Variants in CTNND2 observed in about 807,000 individuals in gnomAD.
CTNND2 encodes the protein catenin delta 2.
A neutral mutation model predicts 144.4 loss-of-function variants in CTNND2; 22 were observed. The ratio of observed to expected loss-of-function variants is 0.15; its 90% CI spans 0.11 to 0.22. CTNND2 has a LOEUF of 0.22. Among genes scored for constraint, CTNND2 ranks in the 10% least tolerant of loss-of-function variants. The probability of loss-of-function intolerance (pLI) is 1.00; values close to 1 mark genes in which losing one functional copy is unlikely to be tolerated. For missense variants in CTNND2, 1,353 were observed against 1,618.8 expected (o/e 0.84, Z 2.82); for synonymous variants, 751 against 695.6 (o/e 1.08, Z -1.25).
intron 2 of CTNND2, among the ~76,000 whole-genome samples, chr5:11,630,087 T>C (rs906636254): frequency 1.3e-5 from 2 of 152,214 alleles, no homozygotes; most frequent in Admixed American, 6.5e-5. Flanking sequence ...GTGACTTTTA[T>C]TTCTCATTCT....
At chr5:11,609,070 T>C (rs892073729) in intron 2 of CTNND2, among the ~76,000 whole-genome samples, 1 of 152,162 alleles carries the variant, frequency 6.6e-6, no homozygotes, top group African/African-American at 2.4e-5. Context: ...AGCACAGGTG[T>C]CGCTCATCAG....
chr5:11,603,210 G>A (rs964382608), intron 2 of CTNND2, among the ~76,000 whole-genome samples: 8 of 152,022 alleles, frequency 5.3e-5, no homozygotes, highest in African/African-American at 1.4e-4. Context: ...CCATTGCTTC[G>A]TAAATCTACT....
chr5:11,748,185 A>AAAAGGACAAAT (rs6148910), intron 1 of CTNND2, among the ~76,000 whole-genome samples: 2 of 151,986 alleles, frequency 1.3e-5, no homozygotes, highest in African/African-American at 4.8e-5. Context: ...TGCTGACCTT[A>AAAAGGACAAAT]AGAAAACAAA....
chr5:11,591,526 G>T (rs964684795), intron 2 of CTNND2, among the ~76,000 whole-genome samples: 2 of 148,202 alleles, frequency 1.3e-5, no homozygotes, highest in Admixed American at 1.4e-4. Context: ...CTTCTAACAT[G>T]GTTTCATTTC....
chr5:11,733,202 T>C (rs1787491623), intron 1 of CTNND2, among the ~76,000 whole-genome samples: 1 of 152,188 alleles, frequency 6.6e-6, no homozygotes, highest in African/African-American at 2.4e-5. Flanking sequence ...AGCTGAAGCC[T>C]GTTGGTCAGA....
intron 1 of CTNND2, among the ~76,000 whole-genome samples, chr5:11,757,343 C>G (rs1323529618): frequency 6.6e-6 from 1 of 151,874 alleles, no homozygotes; most frequent in East Asian, 1.9e-4. Flanking sequence ...ATTGATGTAT[C>G]ATTTTTAGTT....
At chr5:11,599,782 G>A (rs193101086) in intron 2 of CTNND2, among the ~76,000 whole-genome samples, 13 of 152,266 alleles carry the variant, frequency 8.5e-5, no homozygotes, top group Admixed American at 7.2e-4. Context: ...CAGGAAGCTT[G>A]CTATTCTGGT....
At chr5:11,497,587 T>C (rs569974699) in intron 3 of CTNND2, among the ~76,000 whole-genome samples, 1 of 135,838 alleles carries the variant, frequency 7.4e-6, no homozygotes, top group African/African-American at 2.8e-5. Flanking sequence ...AGTACTGAAA[T>C]ATCTGCTGGG....
chr5:11,496,362 G>A (rs1769939056), intron 3 of CTNND2, among the ~76,000 whole-genome samples: 1 of 152,168 alleles, frequency 6.6e-6, no homozygotes, highest in African/African-American at 2.4e-5. Flanking sequence ...GTCACACTGA[G>A]AACATGTTTG....
Position 11,117,374 on chromosome 5 carries a change from A to C in CTNND2, c.2277+76T>G. The C allele has an allele frequency of 2.7e-6, 3 of 1,110,308 alleles. No individual in the cohort carries two copies. In the South Asian group the frequency reaches 3.8e-5, roughly 14 times the overall value. 68.8% of individuals were successfully genotyped at this position (1,110,308 alleles called of 1,614,324 possible). ...GTCTGAAATACTGCATTGGCTCTCC[A>C]GGGTTGTTAGCTATTGTTGAGTCCC... On this transcript the variant is annotated intron_variant, in intron 13 of 21. Coordinates refer to ENST00000304623, the MANE Select transcript of CTNND2 (RefSeq NM_001332.4).
intron 9 of CTNND2, among the ~76,000 whole-genome samples, chr5:11,247,557 GAAAATT>G (rs1234322639): frequency 2.0e-5 from 3 of 152,150 alleles, no homozygotes; most frequent in African/African-American, 7.2e-5. Context: ...AAAATGATGA[GAAAATT>G]GGCTATTTCT....
chr5:11,046,144 G>A (rs1400439953), intron 16 of CTNND2, among the ~76,000 whole-genome samples: 5 of 152,074 alleles, frequency 3.3e-5, no homozygotes, highest in African/African-American at 9.7e-5. Flanking sequence ...CTCAGAATGC[G>A]GCCTTATGTA....
At chr5:11,685,674 A>G (rs1436226812) in intron 2 of CTNND2, among the ~76,000 whole-genome samples, 2 of 152,178 alleles carry the variant, frequency 1.3e-5, no homozygotes, top group African/African-American at 2.4e-5. Context: ...CCATCAACAA[A>G]TCATTCAGAT....
chr5:11,578,781 CAGTT>C (rs1377930617), intron 2 of CTNND2, among the ~76,000 whole-genome samples: 2 of 152,120 alleles, frequency 1.3e-5, no homozygotes, highest in East Asian at 1.9e-4. Flanking sequence ...CAGTATCACT[CAGTT>C]AGTGGGATAG....
intron 3 of CTNND2, among the ~76,000 whole-genome samples, chr5:11,456,771 G>T (rs947847130): frequency 1.3e-5 from 2 of 152,076 alleles, no homozygotes; most frequent in African/African-American, 4.8e-5. Flanking sequence ...ATTGAATGCT[G>T]CTAAGTATAA....
rs1239711067 is a variant in CTNND2 at position 11,117,575 on chromosome 5, G to T, written c.2160-8C>A. The T allele has an allele frequency of 2.5e-6, 4 of 1,606,196 alleles. No individual in the cohort carries two copies. Among genetic ancestry groups the T allele is most frequent in the Non-Finnish European group, 3.4e-6 (4 of 1,172,806 alleles). ...CCGGCCGAACTAACATTCCTGCAAA[G>T]CAAAAGGACACGTCAGCGATCTTCA... On this transcript the variant is annotated splice_polypyrimidine_tract_variant and splice_region_variant and intron_variant, in intron 12 of 21. Transcript: ENST00000304623.
intron 15 of CTNND2, among the ~76,000 whole-genome samples, chr5:11,088,882 T>C (rs1561285041): frequency 6.6e-6 from 1 of 152,234 alleles, no homozygotes; most frequent in Non-Finnish European, 1.5e-5. Context: ...ATGACCTTAC[T>C]GCAAATTATT....
chr5:11,102,052 G>C (rs937845296), intron 14 of CTNND2, among the ~76,000 whole-genome samples: 2 of 152,032 alleles, frequency 1.3e-5, no homozygotes, highest in Non-Finnish European at 2.9e-5. Context: ...TCTTGTTCCA[G>C]CTTGGGGGAA....
intron 1 of CTNND2, among the ~76,000 whole-genome samples, chr5:11,868,149 G>A (rs926061891): frequency 1.3e-5 from 2 of 151,960 alleles, no homozygotes; most frequent in African/African-American, 4.8e-5. Flanking sequence ...CATGCGCAGG[G>A]GTGTCCCTTG....
Sources: gnomAD v4.1 joint callset for allele counts (sites outside exome capture counted in the v4.1 genomes callset) on GRCh38, gnomAD v4.1.1 for gene constraint, MANE v1.5 for transcripts, NCBI Gene and HGNC (gene_info 2026-07-23, HGNC 2026-07-21) for gene names.